Variants in MCF2L2 observed in about 807,000 individuals in gnomAD.
MCF2L2 encodes probable guanine nucleotide exchange factor MCF2L2.
Under a neutral mutation model 150.2 loss-of-function variants are expected in MCF2L2, and 102 were observed. That is an observed-to-expected ratio of 0.68 (90% CI 0.58 to 0.80). The LOEUF (loss-of-function observed/expected upper bound fraction) is 0.80. Ranked by LOEUF, MCF2L2 falls within the 30% of genes least tolerant of loss-of-function variation. The pLI is 0.00. For synonymous variants in MCF2L2, 465 were observed against 491.3 expected, an observed-to-expected ratio of 0.95 and a Z score of 0.71; for missense variants, 1,256 against 1,372.8, an observed-to-expected ratio of 0.91 and a Z score of 1.34.
intron 25 of MCF2L2, among the ~76,000 whole-genome samples, chr3:183,198,079 G>A (rs56229307): frequency 6.6e-6 from 1 of 152,006 alleles, no homozygotes; most frequent in Non-Finnish European, 1.5e-5. Flanking sequence ...ACACTCTTAG[G>A]TATTTACCCA....
intron 1 of MCF2L2, among the ~76,000 whole-genome samples, chr3:183,391,049 G>T (rs1375616193): frequency 6.6e-6 from 1 of 152,156 alleles, no homozygotes; most frequent in African/African-American, 2.4e-5. Context: ...TCATTATGGG[G>T]TCATGGTAAC....
chr3:183,401,644 G>C (rs954711632), intron 1 of MCF2L2, among the ~76,000 whole-genome samples: 3 of 152,164 alleles, frequency 2.0e-5, no homozygotes, highest in Non-Finnish European at 4.4e-5. Context: ...TTTTTCGATA[G>C]AGACTAGTAT....
At chr3:183,209,257 A>G (rs1004618406) in intron 22 of MCF2L2, among the ~76,000 whole-genome samples, 9 of 152,344 alleles carry the variant, frequency 5.9e-5, no homozygotes, top group Non-Finnish European at 1.3e-4. Flanking sequence ...AGTGCAGGAA[A>G]TATGTTTTAG....
rs374851619 is a variant in MCF2L2 at position 183,221,851 on chromosome 3, T to A, written c.2301+1495A>T. ...GAGCTTCCTGGGCTGTGCCAAGCCCTCCGCATGTGCTAATCATCTGCTTCA... is the reference window on the plus strand; with the variant it reads ...GAGCTTCCTGGGCTGTGCCAAGCCCACCGCATGTGCTAATCATCTGCTTCA... On this transcript the variant is annotated intron_variant, in intron 20 of 29. Coordinates refer to ENST00000328913, the MANE Select transcript of MCF2L2 (RefSeq NM_015078.4). Among the ~76,000 whole-genome samples, 33 of 152,274 alleles carry A rather than the reference T, an allele frequency of 2.2e-4. 1 individual carries two copies. In the East Asian group the frequency reaches 5.0e-3, roughly 23 times the overall value.
intron 10 of MCF2L2, among the ~76,000 whole-genome samples, chr3:183,304,999 A>C (rs973344452): frequency 7.2e-5 from 11 of 152,224 alleles, no homozygotes; most frequent in Admixed American, 6.5e-4. Flanking sequence ...ACATCTACTG[A>C]GAGCTTAACA....
intron 1 of MCF2L2, among the ~76,000 whole-genome samples, chr3:183,419,650 A>G (rs1327862850): frequency 2.0e-5 from 3 of 152,196 alleles, no homozygotes; most frequent in African/African-American, 7.2e-5. Flanking sequence ...ACGTGGGTGC[A>G]TCACTTGAGG....
intron 15 of MCF2L2, among the ~76,000 whole-genome samples, chr3:183,238,007 G>C (rs534833077): frequency 7.2e-6 from 1 of 139,762 alleles, no homozygotes; most frequent in Non-Finnish European, 1.5e-5. Context: ...GTAGTTGAGC[G>C]GCTTTGAGTG....
chr3:183,295,239 A>G, intron 13 of MCF2L2, 61 bp downstream of exon 13: 2 of 1,500,142 alleles, frequency 1.3e-6, no homozygotes, highest in Non-Finnish European at 1.8e-6. Flanking sequence ...AACCAGTCAC[A>G]GTCCTCATGG....
chr3:183,379,242 G>GGT, intron 3 of MCF2L2, 55 bp downstream of exon 3: 1 of 1,301,946 alleles, frequency 7.7e-7, no homozygotes, highest in Non-Finnish European at 1.1e-6. Context: ...CTGCCACATG[G>GGT]GAAGTGTGGA....
At chr3:183,203,976 C>G (rs559684999) in intron 25 of MCF2L2, among the ~76,000 whole-genome samples, 1 of 152,206 alleles carries the variant, frequency 6.6e-6, no homozygotes, top group South Asian at 2.1e-4. Flanking sequence ...ATACCTAAAG[C>G]CAATTTATCT....
chr3:183,224,017 C>T (rs879162718), intron 19 of MCF2L2, 81 bp downstream of exon 19: 1 of 1,015,616 alleles, frequency 9.8e-7, no homozygotes, highest in South Asian at 1.3e-5. Flanking sequence ...AAGTTCCTCT[C>T]CCTAGTCCCA....
chr3:183,271,773 CTGTGTT>C (rs1273899435), intron 15 of MCF2L2: 3 of 166,730 alleles, frequency 1.8e-5, no homozygotes, highest in African/African-American at 7.3e-5. Flanking sequence ...CAATATTGGT[CTGTGTT>C]TAAGTTTGTT....
At chr3:183,408,499 T>TG (rs764797558) in intron 1 of MCF2L2, among the ~76,000 whole-genome samples, 4 of 152,194 alleles carry the variant, frequency 2.6e-5, no homozygotes, top group Non-Finnish European at 5.9e-5. Flanking sequence ...CCTATGGCCA[T>TG]GGGCAGGGGT....
In MCF2L2 at chr3:183,323,368, TA is replaced by T. The variant is rs753818741; in HGVS notation, c.487-18del. ...CATGATGATCTGTAAGGTAAAAATT[TA>T]ATTAAACATACTCCTCATTGATCAT... On this transcript the variant is annotated intron_variant, in intron 5 of 29. Coordinates refer to ENST00000328913, the MANE Select transcript of MCF2L2 (RefSeq NM_015078.4). 1.5e-6 allele frequency: 2 copies of T among 1,348,140 alleles called. No homozygotes were observed. The highest frequency in any genetic ancestry group is 2.3e-5 in the South Asian group (2 of 85,128). 83.5% of individuals were successfully genotyped at this position (1,348,140 alleles called of 1,614,324 possible).
In MCF2L2 at chr3:183,396,728, CAAT is replaced by C. The variant is rs547435658; in HGVS notation, c.77-6952_77-6950del. On this transcript the variant is annotated intron_variant, in intron 1 of 29. Coordinates refer to ENST00000328913, the MANE Select transcript of MCF2L2 (RefSeq NM_015078.4). Reference sequence around the variant, plus strand: ...GGCTGGAAATGGTCTGTGGACAAAACAATAATAATAATTATTATTATTGTATAT... The same window carrying C: ...GGCTGGAAATGGTCTGTGGACAAAACAATAATAATTATTATTATTGTATAT... 3.0e-3 allele frequency among the ~76,000 whole-genome samples: 461 copies of C among 151,948 alleles called. 4 individuals carry two copies. Among genetic ancestry groups the C allele is most frequent in the Non-Finnish European group, 4.8e-3 (326 of 67,986 alleles).
chr3:183,361,142 G>A (rs994807527), intron 3 of MCF2L2, among the ~76,000 whole-genome samples: 5 of 101,770 alleles, frequency 4.9e-5, no homozygotes, highest in Admixed American at 1.8e-4. Flanking sequence ...AAGGAAAAGA[G>A]ACAGGAAGAG....
At chr3:183,244,318 C>T (rs905450931) in intron 15 of MCF2L2, among the ~76,000 whole-genome samples, 1 of 152,078 alleles carries the variant, frequency 6.6e-6, no homozygotes, top group Non-Finnish European at 1.5e-5. Context: ...GACTCTTGGA[C>T]TTACAACAGT....
intron 1 of MCF2L2, among the ~76,000 whole-genome samples, chr3:183,409,493 C>T (rs1715210893): frequency 6.7e-6 from 1 of 149,992 alleles, no homozygotes; most frequent in African/African-American, 2.5e-5. Context: ...TAAAAATGTA[C>T]ATAATAAAGC....
chr3:183,323,213 G>T (rs1345009894), intron 6 of MCF2L2, 22 bp downstream of exon 6: 2 of 1,510,798 alleles, frequency 1.3e-6, no homozygotes, highest in Non-Finnish European at 1.8e-6. Context: ...ACAGTGAAAA[G>T]CACACGTAAG....
Sources: gnomAD v4.1 joint callset for allele counts (sites outside exome capture counted in the v4.1 genomes callset) on GRCh38, gnomAD v4.1.1 for gene constraint, MANE v1.5 for transcripts, NCBI Gene and HGNC (gene_info 2026-07-23, HGNC 2026-07-21) for gene names.